The following TSBP1 variants were observed in gnomAD, a reference collection of about 807,000 sequenced individuals.
The protein encoded by TSBP1 is testis expressed basic protein 1.
A neutral mutation model predicts 68.8 loss-of-function variants in TSBP1; 56 were observed. The ratio of observed to expected loss-of-function variants is 0.81; its 90% confidence interval spans 0.66 to 1.02. TSBP1 has a LOEUF of 1.02. Among genes scored for constraint, TSBP1 ranks in the 50% least tolerant of loss-of-function variants. The probability of loss-of-function intolerance (pLI) is 0.00; values close to 1 mark genes in which losing one functional copy is unlikely to be tolerated. For missense variants in TSBP1, 502 were observed against 641.2 expected (o/e 0.78, Z 2.34); for synonymous variants, 171 against 208.7 (o/e 0.82, Z 1.56).
At chr6:32,351,068 G>A (rs1177742835) in intron 8 of TSBP1, among the ~76,000 whole-genome samples, 2 of 152,164 alleles carry the variant, frequency 1.3e-5, no homozygotes, top group Non-Finnish European at 2.9e-5. Flanking sequence ...TAATAAATTT[G>A]TGTTGTTTTA....
intron 21 of TSBP1, 97 bp downstream of exon 24, chr6:32,300,583 A>G: frequency 4.1e-6 from 4 of 979,098 alleles, no homozygotes. Context: ...TGACTGCTGT[A>G]AGGTAGAGGA....
At chr6:32,331,298 T>A (rs1768989380) in intron 15 of TSBP1, among the ~76,000 whole-genome samples, 1 of 152,194 alleles carries the variant, frequency 6.6e-6, no homozygotes, top group African/African-American at 2.4e-5. Context: ...CCAGATTCGA[T>A]TACACCTTTG....
At chr6:32,358,187 G>A (rs1320221467) in intron 6 of TSBP1, among the ~76,000 whole-genome samples, 2 of 152,154 alleles carry the variant, frequency 1.3e-5, no homozygotes, top group African/African-American at 2.4e-5. Flanking sequence ...ATAGTGTGTA[G>A]TTTTATTTTG....
chr6:32,306,716 TTGTC>T lies in TSBP1; in HGVS notation c.581-4091_581-4088del, dbSNP rs754797445. On this transcript the variant is annotated intron_variant, in intron 19 of 22. Transcript: ENST00000612031. This position sits in a 1 kb window ranked among gnomAD's most constrained non-coding sequence, Gnocchi z 5.1. The stretch of plus-strand genomic sequence containing the variant: ...TCAATTTAAGAACATATAAAGCAAG[TTGTC>T]TGTCCCTCCCTCCCTCCTTCTCTCC... 1.1e-4 allele frequency among the ~76,000 whole-genome samples: 16 copies of T among 152,124 alleles called. No individual in the cohort carries two copies. Among genetic ancestry groups the T allele is most frequent in the Non-Finnish European group, 2.2e-4 (15 of 68,012 alleles).
intron 9 of TSBP1, among the ~76,000 whole-genome samples, chr6:32,344,641 C>T (rs532835934): frequency 1.3e-5 from 2 of 152,236 alleles, no homozygotes; most frequent in South Asian, 2.1e-4. Context: ...AAATCCCTCA[C>T]ACTACCCTCA....
intron 15 of TSBP1, among the ~76,000 whole-genome samples, chr6:32,331,545 C>T (rs1322349349): frequency 6.6e-6 from 1 of 152,090 alleles, no homozygotes; most frequent in Admixed American, 6.6e-5. Flanking sequence ...AACATTCTGC[C>T]TAACCACCTG....
At chr6:32,362,669 T>G (rs1202363984) in intron 6 of TSBP1, among the ~76,000 whole-genome samples, 2 of 152,226 alleles carry the variant, frequency 1.3e-5, no homozygotes, top group Non-Finnish European at 2.9e-5. Flanking sequence ...ACCACTTATT[T>G]TTGCTTTTGT....
chr6:32,330,633 TAAACAC>T, intron 15 of TSBP1, 24 bp from the exon 17 acceptor site: 3 of 1,353,744 alleles, frequency 2.2e-6, no homozygotes, highest in Non-Finnish European at 2.9e-6. Flanking sequence ...ACAAACAAAT[TAAACAC>T]ACACACACAC....
intron 18 of TSBP1, among the ~76,000 whole-genome samples, chr6:32,317,666 AAAG>A (rs1183608685): frequency 6.6e-6 from 1 of 152,238 alleles, no homozygotes; most frequent in East Asian, 1.9e-4. Flanking sequence ...GCACTTTTCA[AAAG>A]AAGACGTACA....
At chr6:32,339,323 A>G (rs1338337874) in intron 10 of TSBP1, 3 of 535,696 alleles carry the variant, frequency 5.6e-6, no homozygotes, top group Non-Finnish European at 1.0e-5. Flanking sequence ...TGTTAAATGA[A>G]AAAATTAATC....
chr6:32,324,422 T>C (rs1283619221), intron 16 of TSBP1: 2 of 696,078 alleles, frequency 2.9e-6, no homozygotes, highest in Non-Finnish European at 5.2e-6. Flanking sequence ...GACTTATCTC[T>C]TCCCTTTTTG....
rs189058075 is a variant in TSBP1, at chr6:32,335,850, G to A, written c.451+62C>T. 8.1e-5 allele frequency: 107 copies of A among 1,320,170 alleles called. 1 individual carries two copies. The East Asian group carries it at 2.1e-3, about 26-fold the overall frequency. The allele number at this position is 1,320,170 out of a possible 1,614,324, so 81.8% of individuals were successfully genotyped here. A position where few individuals can be genotyped will look rare whatever the true frequency, so the allele number is the denominator to read the frequency against. On this transcript the variant is annotated intron_variant, in intron 13 of 22. Coordinates refer to ENST00000612031, the Ensembl canonical transcript of TSBP1. This position sits in a 1 kb window ranked among gnomAD's most constrained non-coding sequence, Gnocchi z 5.5. The stretch of plus-strand genomic sequence containing the variant: ...AATCCCAACATGGAAACCAGGTAGC[G>A]ATCCCTAAGATACTGCAGGAAAGTA...
At chr6:32,317,010 G>A (rs1419824457) in intron 18 of TSBP1, among the ~76,000 whole-genome samples, 1 of 152,158 alleles carries the variant, frequency 6.6e-6, no homozygotes, top group African/African-American at 2.4e-5. Flanking sequence ...TTTAAGAGGG[G>A]TTGGCCTGAG....
chr6:32,323,566 G>T (rs763459621), intron 17 of TSBP1, 25 bp downstream of exon 18: 18 of 1,607,978 alleles, frequency 1.1e-5, no homozygotes, highest in Non-Finnish European at 1.5e-5. Context: ...CAACAGAAAA[G>T]AGTAGAAAAA....
At chr6:32,331,667 A>G (rs183804126) in intron 15 of TSBP1, among the ~76,000 whole-genome samples, 1 of 152,266 alleles carries the variant, frequency 6.6e-6, no homozygotes, top group East Asian at 1.9e-4. Context: ...CCCCCTCATC[A>G]TGGGAACATC....
At chr6:32,355,568 C>G in intron 7 of TSBP1, 81 bp downstream of exon 7, 6 of 1,540,528 alleles carry the variant, frequency 3.9e-6, no homozygotes, top group Non-Finnish European at 5.3e-6. Context: ...CAGGATTTCT[C>G]TTTCCTCCAA....
Position 32,335,375 on chromosome 6 carries a change from AAT to A in TSBP1, c.472+60_472+61del. 1 of 1,443,930 alleles carries A rather than the reference AAT, an allele frequency of 6.9e-7. No individual in the cohort carries two copies. Among genetic ancestry groups the A allele is most frequent in the Non-Finnish European group, 9.2e-7 (1 of 1,081,560 alleles). The allele number at this position is 1,443,930 out of a possible 1,614,324, so 89.4% of individuals were successfully genotyped here. A position where few individuals can be genotyped will look rare whatever the true frequency, so the allele number is the denominator to read the frequency against. On this transcript the variant is annotated intron_variant, in intron 14 of 22. Transcript: ENST00000612031. This position sits in a 1 kb window ranked among gnomAD's most constrained non-coding sequence, Gnocchi z 5.5. ...CTTGGGCATGAATAATTGAAATAAA[AAT>A]AGATTGATGTTCTAAGTAAAGTACT...
intron 16 of TSBP1, among the ~76,000 whole-genome samples, chr6:32,327,738 C>G (rs1423096927): frequency 1.3e-5 from 2 of 149,964 alleles, no homozygotes; most frequent in South Asian, 4.2e-4. Context: ...ACTGCAACCT[C>G]TGCCTCCCAG....
At position 32,361,020 on chromosome 6, in the gene TSBP1, C is replaced by T. The variant is rs1772962555; in HGVS notation, c.217+5147G>A. Among the ~76,000 whole-genome samples the T allele has an allele frequency of 6.6e-6, 1 of 152,020 alleles. No individual in the cohort carries two copies. The highest frequency in any genetic ancestry group is 1.5e-5 in the Non-Finnish European group (1 of 68,016). ...CATTAGGTATTTCTCCTAATGCTAT[C>T]CCTCCCTGCTTCCCCCACCCCGCAA... On this transcript the variant is annotated intron_variant, in intron 6 of 22. Coordinates refer to ENST00000612031, the Ensembl canonical transcript of TSBP1. This position sits in a 1 kb window ranked among gnomAD's most constrained non-coding sequence, Gnocchi z 4.3.
Sources: allele counts gnomAD v4.1 joint callset (sites outside exome capture counted in the v4.1 genomes callset), GRCh38; gene constraint gnomAD v4.1.1; non-coding constraint Gnocchi (gnomAD v3.1); transcripts MANE v1.5; gene names NCBI Gene and HGNC (gene_info 2026-07-23, HGNC 2026-07-21).